The following TMEM91 variants were observed in gnomAD, a reference collection of about 807,000 sequenced individuals.
The protein encoded by TMEM91 is dispanin subfamily C member 3.
Under a neutral mutation model 13.3 loss-of-function variants are expected in TMEM91, and 6 were observed. The observed-to-expected ratio is 0.45, with a 90% CI of 0.25 to 0.89. The LOEUF is 0.89. Ranked by LOEUF, TMEM91 falls within the 40% of genes least tolerant of loss-of-function variation. TMEM91 has a pLI of 0.19. For missense variants in TMEM91, 193 were observed against 228.7 expected (o/e 0.84, Z 1.01); for synonymous variants, 87 against 101.7 (o/e 0.86, Z 0.87).
chr19:41,381,425 A>G (rs1253216384), intron 2 of TMEM91, among the ~76,000 whole-genome samples: 1 of 147,732 alleles, frequency 6.8e-6, no homozygotes, highest in Non-Finnish European at 1.5e-5. Context: ...CAGTAGCGCA[A>G]TCTCGGCTCA....
Position 41,376,749 on chromosome 19 carries a change from C to G in TMEM91, c.-135C>G, listed in dbSNP as rs1192477942. ...AGCGGGCCCGGGGCGCTGAGACCCG[C>G]GTAGAGCAAAGCGCAAGGTCCCAGC... On this transcript the variant is annotated 5_prime_UTR_variant, in exon 1 of 4. Transcript: ENST00000392002. 6.6e-6 allele frequency: 1 copy of G among 152,338 alleles called. No homozygotes were observed. The highest frequency in any genetic ancestry group is 2.1e-4 in the South Asian group (1 of 4,834). The allele number at this position is 152,338 out of a possible 1,614,324, so 9.4% of individuals were successfully genotyped here.
chr19:41,364,412 A>G (rs925964825), intron 1 of TMEM91, among the ~76,000 whole-genome samples: 3 of 151,174 alleles, frequency 2.0e-5, no homozygotes, highest in Admixed American at 1.3e-4. Flanking sequence ...CAAATCCCTA[A>G]CTGCTCCGTG....
intron 2 of TMEM91, among the ~76,000 whole-genome samples, chr19:41,381,119 C>CTA (rs1555761502): frequency 6.9e-6 from 1 of 145,386 alleles, no homozygotes; most frequent in East Asian, 2.1e-4. Context: ...AATCTAAACT[C>CTA]TAGAGTTTTC....
intron 3 of TMEM91, 98 bp downstream of exon 3, chr19:41,383,019 G>A: frequency 6.6e-7 from 1 of 1,506,230 alleles, no homozygotes; most frequent in Admixed American, 2.1e-5. Flanking sequence ...AAGGTGGAAG[G>A]TAGCCCAGAG....
rs1381472555 is a variant in TMEM91, at chr19:41,371,378, CTTCCTTCT to C, written c.-29-6895_-29-6888del. On this transcript the variant is annotated intron_variant, in intron 1 of 3. Coordinates refer to the TMEM91 transcript ENST00000413014. ...CCTTCCTTCCTTCCTTCTTTCCTTC[CTTCCTTCT>C]TTCCTTCCTCCCTCCCTCCCTCCTT... is the stretch of plus-strand genomic sequence containing the variant. Among the ~76,000 whole-genome samples the C allele has an allele frequency of 1.1e-3, 146 of 130,418 alleles. 4 individuals carry two copies. The highest frequency in any genetic ancestry group is 3.9e-3 in the African/African-American group (136 of 34,690). The allele number at this position is 130,418 out of a possible 152,430, so 85.6% of individuals were successfully genotyped here.
chr19:41,369,756 C>A (rs533662551), intron 1 of TMEM91, among the ~76,000 whole-genome samples: 7 of 151,722 alleles, frequency 4.6e-5, no homozygotes, highest in Admixed American at 1.3e-4. Context: ...TGCAGTGAGC[C>A]GAGATTGCAC....
intron 1 of TMEM91, among the ~76,000 whole-genome samples, chr19:41,370,353 A>C (rs1196582908): frequency 6.6e-6 from 1 of 151,688 alleles, no homozygotes; most frequent in Non-Finnish European, 1.5e-5. Context: ...CTAGGATTAT[A>C]GGCGTGAGCC....
At position 41,378,273 on chromosome 19, in the gene TMEM91, A is replaced by G. The variant is rs758673800; in HGVS notation, c.-29-8A>G. 6 of 1,591,848 alleles carry G rather than the reference A, an allele frequency of 3.8e-6. No homozygotes were observed. The highest frequency in any genetic ancestry group is 5.2e-6 in the Non-Finnish European group (6 of 1,164,136). On this transcript the variant is annotated splice_polypyrimidine_tract_variant and splice_region_variant and intron_variant, in intron 1 of 3. Coordinates refer to ENST00000392002, the MANE Select transcript of TMEM91 (RefSeq NM_001098821.2). ...TACAACTTGTCTTTTTCTTCCCCCT[A>G]CCCCTAGGAAACCCCTCCTGGAGTT...
chr19:41,383,638 T>C, intron 3 of TMEM91, 77 bp from the exon 4 acceptor site: 1 of 1,614,010 alleles, frequency 6.2e-7, no homozygotes, highest in East Asian at 2.2e-5. Context: ...AATGGGTATG[T>C]TGGGTGGGGG....
At chr19:41,380,651 C>T (rs2123199254) in intron 2 of TMEM91, among the ~76,000 whole-genome samples, 1 of 152,136 alleles carries the variant, frequency 6.6e-6, no homozygotes, top group South Asian at 2.1e-4. Context: ...TGGCTCACGC[C>T]TGTAATCCCA....
chr19:41,383,902 T>C lies in TMEM91; in HGVS notation c.*29T>C. 2 of 1,584,942 alleles carry C rather than the reference T, an allele frequency of 1.3e-6. No individual in the cohort carries two copies. Among genetic ancestry groups the C allele is most frequent in the South Asian group, 1.2e-5 (1 of 86,622 alleles). The stretch of plus-strand genomic sequence containing the variant: ...CCCCTACAGCCCTCACTGTGAACCC[T>C]GAGGCCGGCAGCCCAGCAAATCTGT... On this transcript the variant is annotated 3_prime_UTR_variant, in exon 4 of 4. Transcript: ENST00000392002.
chr19:41,380,773 G>T (rs1263580008), intron 2 of TMEM91, among the ~76,000 whole-genome samples: 11 of 151,958 alleles, frequency 7.2e-5, no homozygotes, highest in Admixed American at 7.2e-4. Flanking sequence ...AATTAGCCAG[G>T]TGTAGTGGTG....
chr19:41,366,581 T>A (rs1431552750), intron 1 of TMEM91, among the ~76,000 whole-genome samples: 1 of 152,130 alleles, frequency 6.6e-6, no homozygotes, highest in Non-Finnish European at 1.5e-5. Flanking sequence ...AGTCTTATCA[T>A]GCATGACAAG....
At chr19:41,383,459 G>A in intron 3 of TMEM91, 7 of 1,282,868 alleles carry the variant, frequency 5.5e-6, no homozygotes, top group Non-Finnish European at 7.2e-6. Flanking sequence ...AATCAAATGA[G>A]TTAGAATAGT....
At chr19:41,382,656 T>C in intron 2 of TMEM91, 116 bp from the exon 3 acceptor site, 1 of 1,398,210 alleles carries the variant, frequency 7.2e-7, no homozygotes, top group Non-Finnish European at 9.6e-7. Context: ...TTTTTCTCTT[T>C]GTATCTCTGG....
At position 41,383,844 on chromosome 19, in the gene TMEM91, G is replaced by A. The variant is rs1474923258; in HGVS notation, c.490G>A (p.Ala164Thr). Residue 164 changes from alanine to threonine, a missense_variant, in exon 4 of 4, where the codon GCC becomes ACC. Coordinates refer to ENST00000392002, the MANE Select transcript of TMEM91 (RefSeq NM_001098821.2). ...TYAAALVTLA[A>T]YLASRDPP The stretch of plus-strand genomic sequence containing the variant: ...TGCGGCTGCCCTGGTGACCCTGGCT[G>A]CCTACCTTGCCTCCCGAGACCCGCC... 5.0e-6 allele frequency: 8 copies of A among 1,606,996 alleles called. No homozygotes were observed. Among genetic ancestry groups the A allele is most frequent in the Admixed American group, 1.7e-5 (1 of 59,164 alleles).
At chr19:41,379,357 G>C (rs553117714) in intron 2 of TMEM91, among the ~76,000 whole-genome samples, 1 of 145,532 alleles carries the variant, frequency 6.9e-6, no homozygotes, top group East Asian at 2.0e-4. Context: ...AAATTAGAAA[G>C]ACCCCATCTT....
chr19:41,380,638 C>T (rs530449638), intron 2 of TMEM91, among the ~76,000 whole-genome samples: 8 of 151,812 alleles, frequency 5.3e-5, no homozygotes, highest in Non-Finnish European at 1.2e-4. Flanking sequence ...AGGCCAGGCG[C>T]GGTGGCTCAC....
At chr19:41,379,234 A>G (rs2038811213) in intron 2 of TMEM91, among the ~76,000 whole-genome samples, 1 of 144,694 alleles carries the variant, frequency 6.9e-6, no homozygotes, top group Non-Finnish European at 1.5e-5. Context: ...TAATCCCAGC[A>G]CTTTGAGAAG....
Sources: allele counts gnomAD v4.1 joint callset (sites outside exome capture counted in the v4.1 genomes callset), GRCh38; gene constraint gnomAD v4.1.1; transcripts MANE v1.5; gene names NCBI Gene and HGNC (gene_info 2026-07-23, HGNC 2026-07-21).